The following AFG1L variants were observed in gnomAD, a reference collection of about 807,000 sequenced individuals.
The protein encoded by AFG1L is AFG1-like ATPase.
Under a neutral mutation model 62.2 loss-of-function variants are expected in AFG1L, and 53 were observed. The ratio of observed to expected loss-of-function variants is 0.85; its 90% confidence interval spans 0.68 to 1.07. The LOEUF (loss-of-function observed/expected upper bound fraction) is 1.07, where lower values mean the gene tolerates loss of function less well. Ranked by LOEUF, AFG1L falls within the 50% of genes least tolerant of loss-of-function variation. The pLI is 0.00. For missense variants in AFG1L, 555 were observed against 590.5 expected (o/e 0.94, Z 0.62); for synonymous variants, 228 against 210.3 (o/e 1.08, Z -0.73).
At chr6:108,377,922 G>C (rs1780320623) in intron 6 of AFG1L, among the ~76,000 whole-genome samples, 1 of 149,128 alleles carries the variant, frequency 6.7e-6, no homozygotes, top group Non-Finnish European at 1.5e-5. Context: ...CAAGTTGTTT[G>C]CTTTTTCTCC....
At chr6:108,401,416 A>G (rs1476583623) in intron 6 of AFG1L, among the ~76,000 whole-genome samples, 2 of 151,768 alleles carry the variant, frequency 1.3e-5, no homozygotes, top group African/African-American at 4.8e-5. Context: ...TGCTGGGATT[A>G]CAGGCGTGAG....
At chr6:108,423,209 C>G (rs972269058) in intron 7 of AFG1L, among the ~76,000 whole-genome samples, 1 of 152,000 alleles carries the variant, frequency 6.6e-6, no homozygotes, top group African/African-American at 2.4e-5. Flanking sequence ...CACTGCATGT[C>G]AGAATGTAAT....
At chr6:108,328,785 A>C (rs1404738817) in intron 2 of AFG1L, among the ~76,000 whole-genome samples, 1 of 152,134 alleles carries the variant, frequency 6.6e-6, no homozygotes, top group Non-Finnish European at 1.5e-5. Context: ...TTTGGTTGCC[A>C]ATTCAACAAT....
At chr6:108,510,172 G>C (rs1774588755) in intron 10 of AFG1L, 40 bp from the exon 11 acceptor site, 1 of 1,521,998 alleles carries the variant, frequency 6.6e-7, no homozygotes, top group African/African-American at 1.4e-5. Context: ...AACCAGAATT[G>C]GTTTATTTTT....
At chr6:108,429,787 AT>A (rs929070986) in intron 7 of AFG1L, among the ~76,000 whole-genome samples, 1 of 150,822 alleles carries the variant, frequency 6.6e-6, no homozygotes, top group African/African-American at 2.4e-5. Context: ...TGAATTTAGG[AT>A]TTTTTTTTCT....
rs188000540 is a variant in AFG1L at position 108,480,597 on chromosome 6, A to T, written c.1062+3305A>T. 1.5e-3 allele frequency among the ~76,000 whole-genome samples: 224 copies of T among 152,314 alleles called. 11 individuals carry two copies. The highest frequency in any genetic ancestry group is 0.013 in the Admixed American group (199 of 15,300). On this transcript the variant is annotated intron_variant, in intron 10 of 12. Transcript: ENST00000368977. The stretch of plus-strand genomic sequence containing the variant: ...CGGATCACATGAGGTCAGGAGTTCA[A>T]GACCAGCCTGGACAACATGGCAAAA...
intron 1 of AFG1L, among the ~76,000 whole-genome samples, chr6:108,307,412 A>AT (rs5878975): frequency 4.8e-4 from 66 of 136,586 alleles, no homozygotes; most frequent in Non-Finnish European, 5.4e-4. Flanking sequence ...CTTTCATCTT[A>AT]TTTTTTTTTT....
chr6:108,386,865 T>A (rs1256453305), intron 6 of AFG1L, among the ~76,000 whole-genome samples: 2 of 152,148 alleles, frequency 1.3e-5, no homozygotes, highest in African/African-American at 4.8e-5. Context: ...AGGATGTATA[T>A]TGTAATCATA....
At chr6:108,398,930 G>A (rs1306540916) in intron 6 of AFG1L, among the ~76,000 whole-genome samples, 2 of 152,080 alleles carry the variant, frequency 1.3e-5, no homozygotes, top group Non-Finnish European at 2.9e-5. Flanking sequence ...GGCTATTTTG[G>A]ATCTTTTCTG....
intron 2 of AFG1L, among the ~76,000 whole-genome samples, chr6:108,338,956 C>T (rs112015848): frequency 0.013 from 1,950 of 152,142 alleles, 38 homozygotes; most frequent in African/African-American, 0.045. Flanking sequence ...GATCTCAGCT[C>T]GCCTGTCCCC....
rs79924065 is a variant in AFG1L, at chr6:108,410,534, C to T, written c.807+8480C>T. On this transcript the variant is annotated intron_variant, in intron 7 of 12. Coordinates refer to ENST00000368977, the MANE Select transcript of AFG1L (RefSeq NM_145315.5). ...TCAGCTAGGCTGTCATGTACCTCTA[C>T]GCCCACAGATATATGTTTTGGATAT... 3.9e-3 allele frequency among the ~76,000 whole-genome samples: 601 copies of T among 152,220 alleles called. 3 individuals carry two copies. The highest frequency in any genetic ancestry group is 0.013 in the African/African-American group (524 of 41,534).
intron 8 of AFG1L, among the ~76,000 whole-genome samples, chr6:108,450,657 G>A (rs1159080073): frequency 6.6e-6 from 1 of 152,078 alleles, no homozygotes; most frequent in Non-Finnish European, 1.5e-5. Context: ...TGGTATTTTA[G>A]ACATGAAGTC....
At chr6:108,482,802 C>G (rs575650511) in intron 10 of AFG1L, among the ~76,000 whole-genome samples, 3 of 151,732 alleles carry the variant, frequency 2.0e-5, no homozygotes, top group South Asian at 2.1e-4. Flanking sequence ...GTACTACTTT[C>G]ATCACATCAT....
intron 6 of AFG1L, among the ~76,000 whole-genome samples, chr6:108,395,804 AGGAGAGAGAGAG>A (rs1229280169): frequency 9.9e-5 from 15 of 150,882 alleles, no homozygotes; most frequent in South Asian, 4.2e-4. Flanking sequence ...GAGGGAGGGA[AGGAGAGAGAGAG>A]GGAGAGAGAG....
chr6:108,358,337 TG>T (rs1229189279), intron 5 of AFG1L, among the ~76,000 whole-genome samples: 4 of 152,206 alleles, frequency 2.6e-5, no homozygotes, highest in African/African-American at 9.7e-5. Context: ...ACCTAGCCTT[TG>T]TAAAATGATC....
chr6:108,439,868 A>T (rs1490691430), intron 7 of AFG1L, among the ~76,000 whole-genome samples: 1 of 152,148 alleles, frequency 6.6e-6, no homozygotes, highest in Non-Finnish European at 1.5e-5. Flanking sequence ...GACAGTCTCC[A>T]CTCAGTCTCC....
At chr6:108,310,693 G>T (rs1201875343) in intron 1 of AFG1L, among the ~76,000 whole-genome samples, 3 of 151,352 alleles carry the variant, frequency 2.0e-5, no homozygotes, top group Non-Finnish European at 4.4e-5. Flanking sequence ...TCGTGCCTCA[G>T]CCTCCGGGGT....
intron 8 of AFG1L, among the ~76,000 whole-genome samples, chr6:108,455,839 G>C (rs757961907): frequency 2.6e-5 from 4 of 152,028 alleles, no homozygotes; most frequent in Non-Finnish European, 5.9e-5. Flanking sequence ...ATTTATTGAG[G>C]CTTGCTTTAT....
At chr6:108,471,468 C>CTTTTTTTT (rs56375345) in intron 8 of AFG1L, among the ~76,000 whole-genome samples, 2 of 100,350 alleles carry the variant, frequency 2.0e-5, no homozygotes, top group Non-Finnish European at 4.0e-5. Context: ...TGTTCTTCTT[C>CTTTTTTTT]TTTTTTTTTT....
Sources: allele counts gnomAD v4.1 joint callset (sites outside exome capture counted in the v4.1 genomes callset), GRCh38; gene constraint gnomAD v4.1.1; transcripts MANE v1.5; gene names NCBI Gene and HGNC (gene_info 2026-07-23, HGNC 2026-07-21).